Variants in FRMPD1 observed in about 807,000 individuals in gnomAD.
The protein encoded by FRMPD1 is FERM and PDZ domain containing 1.
FRMPD1 carries 76 observed loss-of-function variants against 117.8 expected under a neutral mutation model. The observed-to-expected ratio is 0.65, with a 90% confidence interval of 0.54 to 0.78. The LOEUF is 0.78. FRMPD1 is among the 30% of genes least tolerant of loss of function. The pLI, the probability that FRMPD1 is intolerant of heterozygous loss-of-function variation, is 0.00. For missense variants in FRMPD1, 1,786 were observed against 1,964.5 expected (o/e 0.91, Z 1.72); for synonymous variants, 783 against 770.4 (o/e 1.02, Z -0.27).
intron 1 of FRMPD1, among the ~76,000 whole-genome samples, chr9:37,674,223 C>G (rs1821448438): frequency 6.6e-6 from 1 of 152,222 alleles, no homozygotes; most frequent in African/African-American, 2.4e-5. Context: ...GATCATCCCT[C>G]TCAAGTTCAG....
intron 1 of FRMPD1, among the ~76,000 whole-genome samples, chr9:37,690,557 C>A (rs1226496890): frequency 6.6e-6 from 1 of 152,188 alleles, no homozygotes; most frequent in Non-Finnish European, 1.5e-5. Context: ...GGGTCTGGCT[C>A]ATTGATTAAT....
chr9:37,606,805 G>A, the FRMPD1 span, among the ~76,000 whole-genome samples: 1 of 148,724 alleles, frequency 6.7e-6, no homozygotes, highest in African/African-American at 2.4e-5. Flanking sequence ...CCTCCACCTA[G>A]AGTTCTGGGA....
the FRMPD1 span, among the ~76,000 whole-genome samples, chr9:37,625,327 G>A: frequency 5.4e-4 from 82 of 152,286 alleles, no homozygotes; most frequent in African/African-American, 1.9e-3. Flanking sequence ...AGATATTAGG[G>A]TTGTTCCATC....
chr9:37,648,937 T>C (rs929175311), upstream of FRMPD1, among the ~76,000 whole-genome samples: 4 of 150,050 alleles, frequency 2.7e-5, no homozygotes, highest in African/African-American at 9.8e-5. Flanking sequence ...CTGGTGAGAG[T>C]GAAGGGAGAA....
intron 6 of FRMPD1, among the ~76,000 whole-genome samples, chr9:37,720,843 C>A (rs746373381): frequency 6.6e-6 from 1 of 152,366 alleles, no homozygotes; most frequent in South Asian, 2.1e-4. Flanking sequence ...GCCGAGATTG[C>A]GCCACTGCGC....
At chr9:37,729,382 C>CAAAAAAAAAAAAAAA (rs60967717) in intron 7 of FRMPD1, among the ~76,000 whole-genome samples, 1 of 54,716 alleles carries the variant, frequency 1.8e-5, no homozygotes, top group Non-Finnish European at 2.9e-5. Context: ...GAGACCCTCT[C>CAAAAAAAAAAAAAAA]AAAAAAAAAA....
At chr9:37,631,223 A>C in the FRMPD1 span, among the ~76,000 whole-genome samples, 2 of 152,260 alleles carry the variant, frequency 1.3e-5, no homozygotes. Flanking sequence ...AATTAAAAAC[A>C]AAATAACAAA....
At chr9:37,671,532 A>G (rs562096522) in intron 1 of FRMPD1, among the ~76,000 whole-genome samples, 1 of 152,304 alleles carries the variant, frequency 6.6e-6, no homozygotes, top group South Asian at 2.1e-4. Context: ...TCAATGTGGA[A>G]CTTATATTCT....
Position 37,674,384 on chromosome 9 carries a change from C to A in FRMPD1, c.-4-18254C>A, listed in dbSNP as rs182732106. 9.6e-4 allele frequency among the ~76,000 whole-genome samples: 146 copies of A among 152,358 alleles called. 1 individual carries two copies. The highest frequency in any genetic ancestry group is 3.5e-3 in the African/African-American group (144 of 41,586). ...ACCTTATTGTTTATATTGCTATCAG[C>A]ATTTCAGTCAAAGCCATTCAACAAG... On this transcript the variant is annotated intron_variant, in intron 1 of 15. Transcript: ENST00000377765.
Position 37,740,679 on chromosome 9 carries a change from C to T in FRMPD1, c.2151C>T (p.Ser717=). 1.9e-6 allele frequency: 3 copies of T among 1,614,186 alleles called. No homozygotes were observed. The highest frequency in any genetic ancestry group is 2.2e-5 in the South Asian group (2 of 91,088). ...YSLCSSVSPA[S]YLSDSSESTA... ...TGTGTTCCAGTGTCTCCCCGGCCAG[C>T]TACCTGAGTGACAGTTCCGAGAGTA... The change falls in exon 15 of 16, where the codon AGC becomes AGT. Residue 717 remains serine (S), a synonymous_variant. Coordinates refer to ENST00000377765, the MANE Select transcript of FRMPD1 (RefSeq NM_014907.3). The surrounding 1 kb of genome is among the most constrained non-coding windows in gnomAD (Gnocchi z 4.2).
intron 1 of FRMPD1, among the ~76,000 whole-genome samples, chr9:37,690,021 T>A (rs1412893160): frequency 1.3e-5 from 2 of 152,234 alleles, no homozygotes; most frequent in Middle Eastern, 3.4e-3. Flanking sequence ...GGGCAATTAG[T>A]ATATATTCTT....
chr9:37,649,795 C>T (rs533664086), upstream of FRMPD1, among the ~76,000 whole-genome samples: 1 of 152,332 alleles, frequency 6.6e-6, no homozygotes, highest in African/African-American at 2.4e-5. Flanking sequence ...GGTGCAAACT[C>T]CTTGACCAGG....
chr9:37,731,227 G>T (rs1178184681), intron 9 of FRMPD1, 124 bp downstream of exon 9: 3 of 832,738 alleles, frequency 3.6e-6, no homozygotes, highest in Non-Finnish European at 6.0e-6. Context: ...TTATCTGAAG[G>T]AGAATGGGCC....
At position 37,744,462 on chromosome 9, in the gene FRMPD1, G is replaced by C. The variant is rs1824580493; in HGVS notation, c.2430G>C (p.Glu810Asp). 3 of 1,614,100 alleles carry C rather than the reference G, an allele frequency of 1.9e-6. No homozygotes were observed. The highest frequency in any genetic ancestry group is 2.5e-6 in the Non-Finnish European group (3 of 1,180,002). ...ATAAGGCCAGCACTTCTAGCCCTGA[G>C]AACAGCCTGCCTTGTGGGCCAGATG... The part of the protein sequence containing the change: ...LQNKASTSSP[E>D]NSLPCGPDGR... Residue 810 changes from glutamate (E) to aspartate (D), a missense_variant, in exon 16 of 16, where the codon GAG becomes GAC. By Grantham distance (45) the Glu-to-Asp change is conservative. Transcript: ENST00000377765.
chr9:37,656,226 G>T (rs1820838879), intron 1 of FRMPD1, among the ~76,000 whole-genome samples: 1 of 152,162 alleles, frequency 6.6e-6, no homozygotes, highest in South Asian at 2.1e-4. Context: ...TTTGAGTCAA[G>T]CCAGAAACAT....
At chr9:37,665,730 G>A (rs575840366) in intron 1 of FRMPD1, among the ~76,000 whole-genome samples, 104 of 152,182 alleles carry the variant, frequency 6.8e-4, no homozygotes, top group African/African-American at 2.5e-3. Flanking sequence ...TTAAAAGTGG[G>A]GTCCCGCAGA....
intron 14 of FRMPD1, among the ~76,000 whole-genome samples, chr9:37,738,511 T>C (rs1346205010): frequency 6.6e-6 from 1 of 152,114 alleles, no homozygotes; most frequent in Non-Finnish European, 1.5e-5. Flanking sequence ...GGCTAATTTT[T>C]GTACATTAGT....
chr9:37,680,970 G>A (rs2117925984), intron 1 of FRMPD1, among the ~76,000 whole-genome samples: 1 of 152,264 alleles, frequency 6.6e-6, no homozygotes, highest in Admixed American at 6.5e-5. Context: ...AGCACTTTGG[G>A]AAGCCAAGGC....
the FRMPD1 span, among the ~76,000 whole-genome samples, chr9:37,626,852 G>A: frequency 1.3e-5 from 2 of 152,028 alleles, no homozygotes; most frequent in African/African-American, 2.4e-5. Flanking sequence ...CATTATCTTT[G>A]GGGTGTGGGG....
Sources: allele counts gnomAD v4.1 joint callset (sites outside exome capture counted in the v4.1 genomes callset), GRCh38; gene constraint gnomAD v4.1.1; non-coding constraint Gnocchi (gnomAD v3.1); transcripts MANE v1.5; gene names NCBI Gene and HGNC (gene_info 2026-07-23, HGNC 2026-07-21).